The following DPYD variants were observed in gnomAD, a reference collection of about 807,000 sequenced individuals.
DPYD encodes the protein dihydropyrimidine dehydrogenase [NADP(+)].
A neutral mutation model predicts 116.2 loss-of-function variants in DPYD; 109 were observed. The ratio of observed to expected loss-of-function variants is 0.94; its 90% confidence interval spans 0.80 to 1.10. The LOEUF (loss-of-function observed/expected upper bound fraction) is 1.10. DPYD is among the 50% of genes least tolerant of loss of function. The pLI is 0.00. For missense variants in DPYD, 1,302 were observed against 1,254.5 expected, an observed-to-expected ratio of 1.04 and a Z score of -0.57; for synonymous variants, 440 against 432.0, an observed-to-expected ratio of 1.02 and a Z score of -0.23.
intron 3 of DPYD, among the ~76,000 whole-genome samples, chr1:97,804,764 T>A (rs951328010): frequency 2.0e-5 from 3 of 151,878 alleles, no homozygotes; most frequent in Admixed American, 6.6e-5. Flanking sequence ...CAATTAAAAC[T>A]AATTTAACTT....
At chr1:97,843,167 G>C (rs1025005367) in intron 2 of DPYD, among the ~76,000 whole-genome samples, 7 of 151,754 alleles carry the variant, frequency 4.6e-5, no homozygotes, top group African/African-American at 9.7e-5. Context: ...ACCTACTCAG[G>C]GTCTCAATTT....
intron 14 of DPYD, among the ~76,000 whole-genome samples, chr1:97,425,811 C>CT (rs35417363): frequency 0.25 from 37,867 of 151,734 alleles, 5,594 homozygotes; most frequent in Non-Finnish European, 0.35. Context: ...TCATTAATGC[C>CT]TTTTTCAGAA....
At chr1:97,897,374 G>A (rs1181261202) in intron 1 of DPYD, among the ~76,000 whole-genome samples, 4 of 151,668 alleles carry the variant, frequency 2.6e-5, no homozygotes, top group Non-Finnish European at 5.9e-5. Flanking sequence ...GTGCCTCGGC[G>A]TTGTTTTCTT....
intron 12 of DPYD, among the ~76,000 whole-genome samples, chr1:97,527,023 G>C (rs1649178993): frequency 6.6e-6 from 1 of 151,832 alleles, no homozygotes; most frequent in African/African-American, 2.4e-5. Context: ...GGTAGAGCAA[G>C]ACCTGAATTG....
chr1:97,607,801 G>A (rs1005843544), intron 8 of DPYD, among the ~76,000 whole-genome samples: 8 of 151,840 alleles, frequency 5.3e-5, no homozygotes, highest in African/African-American at 9.7e-5. Context: ...ATTATACAGC[G>A]CATAACACTA....
intron 18 of DPYD, among the ~76,000 whole-genome samples, chr1:97,262,689 T>C (rs1663966566): frequency 6.6e-6 from 1 of 152,090 alleles, no homozygotes. Context: ...TAAAGAACAA[T>C]ATAATTCTTC....
chr1:97,641,183 A>G (rs76245909), intron 8 of DPYD, among the ~76,000 whole-genome samples: 3 of 152,184 alleles, frequency 2.0e-5, no homozygotes, highest in African/African-American at 7.2e-5. Context: ...ATGGGGGATG[A>G]ACGCCTAATC....
chr1:97,893,826 T>G (rs1025550303), intron 1 of DPYD, among the ~76,000 whole-genome samples: 1 of 151,676 alleles, frequency 6.6e-6, no homozygotes, highest in Non-Finnish European at 1.5e-5. Context: ...TCTCCTTCAC[T>G]TCTAAAATAC....
At chr1:97,172,089 T>C (rs1004860716) in intron 20 of DPYD, among the ~76,000 whole-genome samples, 14 of 152,120 alleles carry the variant, frequency 9.2e-5, no homozygotes, top group African/African-American at 3.1e-4. Flanking sequence ...AGTTAAGAAA[T>C]CCAGGTGAAA....
intron 8 of DPYD, among the ~76,000 whole-genome samples, chr1:97,662,655 A>G (rs1659333697): frequency 6.6e-6 from 1 of 152,114 alleles, no homozygotes; most frequent in South Asian, 2.1e-4. Context: ...AAAACAAAAA[A>G]GAGTGCTAAC....
chr1:97,315,176 C>T (rs577228243), intron 16 of DPYD, among the ~76,000 whole-genome samples: 49 of 152,080 alleles, frequency 3.2e-4, no homozygotes, highest in African/African-American at 1.2e-3. Flanking sequence ...ATGAACCACT[C>T]GGATCTACCT....
intron 14 of DPYD, among the ~76,000 whole-genome samples, chr1:97,425,250 T>C (rs1674798694): frequency 6.6e-6 from 1 of 152,088 alleles, no homozygotes; most frequent in Non-Finnish European, 1.5e-5. Flanking sequence ...ATATCTGCCA[T>C]AGGTCTCCCT....
intron 19 of DPYD, among the ~76,000 whole-genome samples, chr1:97,197,398 A>C (rs1318217249): frequency 6.6e-6 from 1 of 152,206 alleles, no homozygotes; most frequent in Non-Finnish European, 1.5e-5. Flanking sequence ...ATAGTCTTAA[A>C]ATAGTTCACC....
intron 5 of DPYD, among the ~76,000 whole-genome samples, chr1:97,703,024 G>T (rs1482990807): frequency 6.6e-6 from 1 of 151,956 alleles, no homozygotes; most frequent in African/African-American, 2.4e-5. Context: ...AGCCCGATTT[G>T]CTCAACCCCG....
At chr1:97,118,651 G>A (rs536366822) in intron 20 of DPYD, among the ~76,000 whole-genome samples, 116 of 152,136 alleles carry the variant, frequency 7.6e-4, no homozygotes, top group African/African-American at 2.7e-3. Flanking sequence ...CAGGTTCTAG[G>A]GCTTTGTTTT....
intron 5 of DPYD, among the ~76,000 whole-genome samples, chr1:97,700,653 T>A (rs1330411769): frequency 6.6e-6 from 1 of 152,008 alleles, no homozygotes; most frequent in African/African-American, 2.4e-5. Flanking sequence ...ATAAAATGCC[T>A]GGGTTTTTAT....
intron 14 of DPYD, among the ~76,000 whole-genome samples, chr1:97,441,337 A>G (rs571395588): frequency 3.3e-4 from 50 of 152,104 alleles, no homozygotes; most frequent in African/African-American, 1.1e-3. Flanking sequence ...AATTACACAT[A>G]TATTAGGCCA....
At position 97,134,007 on chromosome 1, in the gene DPYD, AAAAAAAAATATATATATATATATATAT is replaced by A. The variant is rs1313445455; in HGVS notation, c.2623-35402_2623-35376del. Reference sequence around the variant, plus strand: ...GAGCCAGACTCTGTTTCAAAAAAAAAAAAAAAAATATATATATATATATATATATATATATATATATATATATATATA... The same window carrying A: ...GAGCCAGACTCTGTTTCAAAAAAAAAATATATATATATATATATATATATA... On this transcript the variant is annotated intron_variant, in intron 20 of 22. Transcript: ENST00000370192. 1.2e-3 allele frequency among the ~76,000 whole-genome samples: 51 copies of A among 44,172 alleles called. 3 individuals carry two copies. The highest frequency in any genetic ancestry group is 8.9e-3 in the Middle Eastern group (1 of 112). 29.0% of individuals were successfully genotyped at this position (44,172 alleles called of 152,430 possible). A position where few individuals can be genotyped will look rare whatever the true frequency, so the allele number is the denominator to read the frequency against.
intron 12 of DPYD, among the ~76,000 whole-genome samples, chr1:97,540,794 T>A (rs56776420): frequency 0.053 from 8,117 of 152,162 alleles, 459 homozygotes; most frequent in Admixed American, 0.12. Context: ...CTAGCCCCTA[T>A]CCTGTAGTTA....
Sources: gnomAD v4.1 joint callset for allele counts (sites outside exome capture counted in the v4.1 genomes callset) on GRCh38, gnomAD v4.1.1 for gene constraint, MANE v1.5 for transcripts, NCBI Gene and HGNC (gene_info 2026-07-23, HGNC 2026-07-21) for gene names.